PERCC1: variants seen among roughly 807,000 people sequenced by gnomAD.
PERCC1 encodes protein PERCC1.
At position 1,433,230 on chromosome 16, in the gene PERCC1, C is replaced by G; in HGVS notation, c.637C>G (p.Leu213Val). ...CATCACCCCCATGGCCCAGAGGAAGCTGCCCCCATCCTTCTGGAAGGAGCC... is the reference window on the plus strand; with the variant it reads ...CATCACCCCCATGGCCCAGAGGAAGGTGCCCCCATCCTTCTGGAAGGAGCC... ...GHITPMAQRK[L>V]PPSFWKEPTP... The change falls in exon 2 of 2, where the codon CTG becomes GTG. Residue 213 changes from leucine (L) to valine (V), a missense_variant. Transcript: ENST00000640283. 2 of 398,670 alleles carry G rather than the reference C, an allele frequency of 5.0e-6. No individual in the cohort carries two copies. Among genetic ancestry groups the G allele is most frequent in the Non-Finnish European group, 8.8e-6 (2 of 226,032 alleles). The allele number at this position is 398,670 out of a possible 1,614,324, so 24.7% of individuals were successfully genotyped here. A position where few individuals can be genotyped will look rare whatever the true frequency, so the allele number is the denominator to read the frequency against.
chr16:1,432,005 T>TG (rs1315065791), intron 1 of PERCC1, among the ~76,000 whole-genome samples: 5 of 152,250 alleles, frequency 3.3e-5, no homozygotes, highest in Middle Eastern at 3.4e-3. Context: ...ACGCCTCCAC[T>TG]TTGATCAAGA....
At chr16:1,431,944 G>A (rs1181021685) in intron 1 of PERCC1, among the ~76,000 whole-genome samples, 2 of 152,152 alleles carry the variant, frequency 1.3e-5, no homozygotes, top group South Asian at 2.1e-4. Flanking sequence ...GGACTGTGAT[G>A]GCCGGAAGAA....
chr16:1,431,883 C>T (rs1281026279), intron 1 of PERCC1, among the ~76,000 whole-genome samples: 1 of 152,182 alleles, frequency 6.6e-6, no homozygotes, highest in African/African-American at 2.4e-5. Context: ...CCTTCACCAT[C>T]GTGGAGACTT....
In PERCC1 at chr16:1,432,701, AGAG is replaced by A. The variant is rs72210635; in HGVS notation, c.140_142del (p.Glu47del). Reference sequence around the variant, plus strand: ...AGCCCCCAGAGACTTCGGAGGAGGAAGAGGAGGAGGAGGAGGAGGAGGAGGAGG... The same window carrying A: ...AGCCCCCAGAGACTTCGGAGGAGGAAGAGGAGGAGGAGGAGGAGGAGGAGG... On this transcript the variant is annotated inframe_deletion, in exon 2 of 2. Transcript: ENST00000640283. 0.33 allele frequency: 108,181 copies of A among 326,296 alleles called. 7,106 individuals carry two copies. Among genetic ancestry groups the A allele is most frequent in the East Asian group, 0.51 (13,920 of 27,110 alleles). 20.2% of individuals were successfully genotyped at this position (326,296 alleles called of 1,614,324 possible).
At position 1,432,586 on chromosome 16, in the gene PERCC1, G is replaced by T; in HGVS notation, c.-8G>T. 3 of 398,940 alleles carry T rather than the reference G, an allele frequency of 7.5e-6. No individual in the cohort carries two copies. Among genetic ancestry groups the T allele is most frequent in the Non-Finnish European group, 1.3e-5 (3 of 226,172 alleles). The allele number at this position is 398,940 out of a possible 1,614,324, so 24.7% of individuals were successfully genotyped here. ...CCCGGAGGCCCCAGAAGCGTGGGAC[G>T]CGCGGAGATGGCCGCCGGTGTGATC... On this transcript the variant is annotated 5_prime_UTR_variant, in exon 2 of 2. Coordinates refer to ENST00000640283, the MANE Select transcript of PERCC1 (RefSeq NM_001365310.2).
In PERCC1 at chr16:1,432,633, C is replaced by T. The variant is rs1252695635; in HGVS notation, c.40C>T (p.Leu14=). 1 of 399,644 alleles carries T rather than the reference C, an allele frequency of 2.5e-6. No individual in the cohort carries two copies. The highest frequency in any genetic ancestry group is 4.4e-6 in the Non-Finnish European group (1 of 226,582). 24.8% of individuals were successfully genotyped at this position (399,644 alleles called of 1,614,324 possible). A position where few individuals can be genotyped will look rare whatever the true frequency, so the allele number is the denominator to read the frequency against. ...GVIRPLCDFQ[L]PLLRHHPFLP... ...GATCCGGCCCCTGTGCGACTTCCAG[C>T]TGCCCCTGCTGCGCCACCACCCCTT... is the stretch of plus-strand genomic sequence containing the variant. Residue 14 remains leucine, a synonymous_variant, in exon 2 of 2, where the codon CTG becomes TTG. Coordinates refer to ENST00000640283, the MANE Select transcript of PERCC1 (RefSeq NM_001365310.2).
chr16:1,432,713 G>A lies in PERCC1; in HGVS notation c.120G>A (p.Glu40=), dbSNP rs142497253. 2.5e-5 allele frequency: 9 copies of A among 366,292 alleles called. No homozygotes were observed. Among genetic ancestry groups the A allele is most frequent in the Non-Finnish European group, 3.8e-5 (8 of 207,832 alleles). The allele number at this position is 366,292 out of a possible 1,614,324, so 22.7% of individuals were successfully genotyped here. A position where few individuals can be genotyped will look rare whatever the true frequency, so the allele number is the denominator to read the frequency against. ...PETSEEEEEE[E]EEEEEEEGEG... The stretch of plus-strand genomic sequence containing the variant: ...CTTCGGAGGAGGAAGAGGAGGAGGA[G>A]GAGGAGGAGGAGGAGGAGGAGGGCG... Residue 40 remains glutamate (E), a synonymous_variant, in exon 2 of 2, where the codon GAG becomes GAA. Coordinates refer to ENST00000640283, the MANE Select transcript of PERCC1 (RefSeq NM_001365310.2).
intron 1 of PERCC1, among the ~76,000 whole-genome samples, chr16:1,431,675 G>A (rs1253568373): frequency 6.6e-6 from 1 of 151,650 alleles, no homozygotes; most frequent in Non-Finnish European, 1.5e-5. Flanking sequence ...GTGTCCCCTC[G>A]AGGAGGGGCT....
Position 1,432,987 on chromosome 16 carries a change from G to A in PERCC1, c.394G>A (p.Ala132Thr), listed in dbSNP as rs1381280720. Reference protein sequence around the residue: ...PRSTARELYYADLVRLARGGS... With the variant: ...PRSTARELYYTDLVRLARGGS... The stretch of plus-strand genomic sequence containing the variant: ...CAGCACTGCCCGGGAGCTCTACTAT[G>A]CGGACCTGGTGCGCCTGGCCCGTGG... The change falls in exon 2 of 2, where the codon GCG (alanine) becomes ACG (threonine). Residue 132 changes from alanine to threonine, a missense_variant. Transcript: ENST00000640283. 5.0e-6 allele frequency: 2 copies of A among 398,904 alleles called. No homozygotes were observed. The highest frequency in any genetic ancestry group is 7.1e-5 in the East Asian group (2 of 28,066). The allele number at this position is 398,904 out of a possible 1,614,324, so 24.7% of individuals were successfully genotyped here. A position where few individuals can be genotyped will look rare whatever the true frequency, so the allele number is the denominator to read the frequency against.
intron 1 of PERCC1, among the ~76,000 whole-genome samples, chr16:1,431,575 C>A (rs1430479098): frequency 1.3e-5 from 2 of 151,848 alleles, no homozygotes; most frequent in Admixed American, 6.6e-5. Context: ...AGCCCTCCCC[C>A]ATCCCCAAAG....
At chr16:1,431,804 C>T (rs183454066) in intron 1 of PERCC1, among the ~76,000 whole-genome samples, 1 of 152,188 alleles carries the variant, frequency 6.6e-6, no homozygotes, top group Non-Finnish European at 1.5e-5. Flanking sequence ...AGATACCTCA[C>T]TTGAGTCGTC....
intron 1 of PERCC1, 112 bp from the exon 2 acceptor site, chr16:1,432,434 AG>A (rs2038456345): frequency 2.5e-6 from 1 of 397,406 alleles, no homozygotes; most frequent in Non-Finnish European, 4.4e-6. Context: ...CCAGGAGCGG[AG>A]GAAGGTCTCT....
rs2038460374 is a variant in PERCC1, at chr16:1,432,725, G to GGAA, written c.134_135insAGA (p.Glu47dup). Reference sequence around the variant, plus strand: ...AAGAGGAGGAGGAGGAGGAGGAGGAGGAGGAGGAGGGCGAGGGCGAGGGGC... The same window carrying GGAA: ...AAGAGGAGGAGGAGGAGGAGGAGGAGGAAGAGGAGGAGGGCGAGGGCGAGGGGC... On this transcript the variant is annotated inframe_insertion, in exon 2 of 2. Transcript: ENST00000640283. The GGAA allele has an allele frequency of 5.0e-6, 2 of 399,560 alleles. No individual in the cohort carries two copies. 24.8% of individuals were successfully genotyped at this position (399,560 alleles called of 1,614,324 possible).
chr16:1,431,257 C>G (rs12444839), intron 1 of PERCC1, 149 bp downstream of exon 1: 114,000 of 152,230 alleles, frequency 0.75, 43,992 homozygotes, highest in East Asian at 0.96. Flanking sequence ...AGGACTGGGC[C>G]GGCATTGGGG....
rs966576399 is a variant in PERCC1, at chr16:1,433,381, G to C, written c.788G>C (p.Arg263Pro). The C allele has an allele frequency of 7.5e-6, 3 of 398,516 alleles. No individual in the cohort carries two copies. The highest frequency in any genetic ancestry group is 2.1e-5 in the African/African-American group (1 of 48,626). 24.7% of individuals were successfully genotyped at this position (398,516 alleles called of 1,614,324 possible). A position where few individuals can be genotyped will look rare whatever the true frequency, so the allele number is the denominator to read the frequency against. The change falls in exon 2 of 2, where the codon CGG becomes CCG. Residue 263 changes from arginine (R) to proline (P), a missense_variant. Physicochemically the swap from Arg to Pro is moderately radical, Grantham distance 103 (BLOSUM62 -2). Coordinates refer to ENST00000640283, the MANE Select transcript of PERCC1 (RefSeq NM_001365310.2). ...GRGTPALEGA[R>P]PAEA ...GGAACCCCAGCCCTGGAAGGGGCAC[G>C]GCCAGCCGAGGCCTAGCGAAGCGCC...
rs1010682291 is a variant in PERCC1 at position 1,433,357 on chromosome 16, G to C, written c.764G>C (p.Gly255Ala). Residue 255 changes from glycine to alanine, a missense_variant, in exon 2 of 2, where the codon GGA becomes GCA. By Grantham distance (60) the Gly-to-Ala change is moderately conservative (BLOSUM62 0). Transcript: ENST00000640283. Reference sequence around the variant, plus strand: ...GCCTGTCCTGAGCTGCCCGGCAGGGGAACCCCAGCCCTGGAAGGGGCACGG... The same window carrying C: ...GCCTGTCCTGAGCTGCCCGGCAGGGCAACCCCAGCCCTGGAAGGGGCACGG... Reference protein sequence around the residue: ...TEACPELPGRGTPALEGARPA... With the variant: ...TEACPELPGRATPALEGARPA... 6 of 398,464 alleles carry C rather than the reference G, an allele frequency of 1.5e-5. No individual in the cohort carries two copies. The highest frequency in any genetic ancestry group is 2.7e-5 in the Non-Finnish European group (6 of 226,032). 24.7% of individuals were successfully genotyped at this position (398,464 alleles called of 1,614,324 possible). A position where few individuals can be genotyped will look rare whatever the true frequency, so the allele number is the denominator to read the frequency against.
In PERCC1 at chr16:1,432,701, A is replaced by AGAG. The variant is rs72210635; in HGVS notation, c.140_142dup (p.Glu47dup). ...AGCCCCCAGAGACTTCGGAGGAGGAAGAGGAGGAGGAGGAGGAGGAGGAGG... is the reference window on the plus strand; with the variant it reads ...AGCCCCCAGAGACTTCGGAGGAGGAAGAGGAGGAGGAGGAGGAGGAGGAGGAGG... On this transcript the variant is annotated inframe_insertion, in exon 2 of 2. Transcript: ENST00000640283. The AGAG allele has an allele frequency of 8.6e-3, 3,407 of 394,978 alleles. 45 individuals are homozygous for AGAG. The highest frequency in any genetic ancestry group is 0.042 in the African/African-American group (1,999 of 47,748). 24.5% of individuals were successfully genotyped at this position (394,978 alleles called of 1,614,324 possible). A position where few individuals can be genotyped will look rare whatever the true frequency, so the allele number is the denominator to read the frequency against.
chr16:1,434,094 G>A lies in PERCC1; in HGVS notation c.*697G>A, dbSNP rs942494255. ...GGGGCAGCTCACAGCGGGTCCTGGC[G>A]GGGGCAGGCCTAGGTGCTTCTGCGC... is the stretch of plus-strand genomic sequence containing the variant. On this transcript the variant is annotated 3_prime_UTR_variant, in exon 2 of 2. Transcript: ENST00000640283. 5.3e-5 allele frequency among the ~76,000 whole-genome samples: 8 copies of A among 152,228 alleles called. No homozygotes were observed. The highest frequency in any genetic ancestry group is 1.9e-4 in the East Asian group (1 of 5,190).
At chr16:1,431,751 C>T (rs528760848) in intron 1 of PERCC1, among the ~76,000 whole-genome samples, 1 of 152,264 alleles carries the variant, frequency 6.6e-6, no homozygotes, top group Admixed American at 6.5e-5. Flanking sequence ...TGCACCCACC[C>T]CACAGTCCCC....
Sources: gnomAD v4.1 joint callset for allele counts (sites outside exome capture counted in the v4.1 genomes callset) on GRCh38, gnomAD v4.1.1 for gene constraint, MANE v1.5 for transcripts, NCBI Gene and HGNC (gene_info 2026-07-23, HGNC 2026-07-21) for gene names.